The following LDLRAD4 variants were observed in gnomAD, a reference collection of about 807,000 sequenced individuals.
LDLRAD4 encodes the protein low density lipoprotein receptor class A domain containing 4, also known as low-density lipoprotein receptor class A domain-containing protein 4.
In LDLRAD4, 5 loss-of-function variants were observed where a neutral mutation model predicts 17.0. The observed-to-expected ratio is 0.29, with a 90% CI of 0.15 to 0.62. LDLRAD4 has a LOEUF of 0.62. Ranked by LOEUF, LDLRAD4 falls within the 20% of genes least tolerant of loss-of-function variation. The pLI is 0.84. For missense variants in LDLRAD4, 340 were observed against 424.7 expected (o/e 0.80, Z 1.75); for synonymous variants, 168 against 171.8 (o/e 0.98, Z 0.17).
intron 3 of LDLRAD4, among the ~76,000 whole-genome samples, chr18:13,504,042 G>A (rs922993401): frequency 6.6e-6 from 1 of 152,102 alleles, no homozygotes; most frequent in African/African-American, 2.4e-5. Context: ...CATAATTACC[G>A]TCTCCACCCT....
At chr18:13,288,981 A>C (rs1297618098) in intron 1 of LDLRAD4, among the ~76,000 whole-genome samples, 1 of 152,244 alleles carries the variant, frequency 6.6e-6, no homozygotes, top group South Asian at 2.1e-4. Flanking sequence ...GAACTTAGGC[A>C]CTGTGGAAAC....
At chr18:13,490,245 A>G (rs528902758) in intron 3 of LDLRAD4, 1 of 152,340 alleles carries the variant, frequency 6.6e-6, no homozygotes, top group Non-Finnish European at 1.5e-5. Context: ...CCAATCGGAT[A>G]ACAATAACCT....
chr18:13,218,337 G>T (rs2041263922), upstream of LDLRAD4, among the ~76,000 whole-genome samples: 1 of 152,224 alleles, frequency 6.6e-6, no homozygotes, highest in Admixed American at 6.5e-5. Context: ...CTGGCCCGCG[G>T]GCGGGGTTAC....
intron 3 of LDLRAD4, among the ~76,000 whole-genome samples, chr18:13,524,318 C>T (rs1475255765): frequency 6.6e-6 from 1 of 152,158 alleles, no homozygotes; most frequent in Non-Finnish European, 1.5e-5. Context: ...CTTGATGCTT[C>T]CTTTGAAACT....
chr18:13,268,159 A>G (rs1308851538), intron 1 of LDLRAD4, among the ~76,000 whole-genome samples: 1 of 152,062 alleles, frequency 6.6e-6, no homozygotes, highest in African/African-American at 2.4e-5. Context: ...AGGGCAGAAT[A>G]TTTTGTTCCT....
intron 1 of LDLRAD4, among the ~76,000 whole-genome samples, chr18:13,358,104 A>G (rs920326432): frequency 6.6e-6 from 1 of 151,940 alleles, no homozygotes; most frequent in African/African-American, 2.4e-5. Flanking sequence ...TATTTTTTGC[A>G]CCAGACCTGG....
At chr18:13,485,983 T>C (rs2093213039) in intron 3 of LDLRAD4, among the ~76,000 whole-genome samples, 1 of 152,252 alleles carries the variant, frequency 6.6e-6, no homozygotes, top group Non-Finnish European at 1.5e-5. Flanking sequence ...ATTCATTAAC[T>C]GCTTTAAAGC....
chr18:13,230,814 G>A (rs557709706), intron 1 of LDLRAD4, among the ~76,000 whole-genome samples: 1 of 152,160 alleles, frequency 6.6e-6, no homozygotes, highest in African/African-American at 2.4e-5. Context: ...CTCCTTTGCC[G>A]CCCTGACTCT....
intron 1 of LDLRAD4, among the ~76,000 whole-genome samples, chr18:13,376,049 T>C (rs1047949684): frequency 3.3e-5 from 5 of 152,208 alleles, no homozygotes; most frequent in African/African-American, 1.2e-4. Flanking sequence ...GTCCTCGTTC[T>C]TGCCGTTTGA....
chr18:13,504,395 A>G (rs2093658826), intron 3 of LDLRAD4, among the ~76,000 whole-genome samples: 1 of 152,222 alleles, frequency 6.6e-6, no homozygotes, highest in African/African-American at 2.4e-5. Context: ...TAAGCCATCT[A>G]GAATATTGCA....
chr18:13,590,227 G>A (rs2095000137), intron 3 of LDLRAD4, among the ~76,000 whole-genome samples: 1 of 151,596 alleles, frequency 6.6e-6, no homozygotes, highest in Non-Finnish European at 1.5e-5. Context: ...GGGTGTGTGG[G>A]TATAAGTGTG....
In LDLRAD4 at chr18:13,394,439, G is replaced by A. The variant is rs183837168; in HGVS notation, c.40+6677G>A. Among the ~76,000 whole-genome samples the A allele has an allele frequency of 2.6e-5, 4 of 152,200 alleles. No homozygotes were observed. In the East Asian group the frequency reaches 5.8e-4, roughly 22 times the overall value. On this transcript the variant is annotated intron_variant, in intron 2 of 5. Transcript: ENST00000359446. ...ATTTATTTTAAGGTTACTTGAGTGT[G>A]TACAACATAAAGATAGTTATAAATA...
At chr18:13,393,412 G>A (rs1431917135) in intron 2 of LDLRAD4, among the ~76,000 whole-genome samples, 1 of 152,176 alleles carries the variant, frequency 6.6e-6, no homozygotes, top group African/African-American at 2.4e-5. Context: ...AGGCATTTTA[G>A]AGAGAACAGC....
intron 3 of LDLRAD4, among the ~76,000 whole-genome samples, chr18:13,494,563 T>C (rs1411160175): frequency 1.3e-5 from 2 of 149,030 alleles, no homozygotes; most frequent in Admixed American, 6.8e-5. Context: ...CTGTAATTGC[T>C]GCAGTTTGGA....
At chr18:13,334,874 G>C (rs1460833587) in intron 1 of LDLRAD4, among the ~76,000 whole-genome samples, 4 of 152,092 alleles carry the variant, frequency 2.6e-5, no homozygotes, top group African/African-American at 9.7e-5. Flanking sequence ...TCCCCTCAAC[G>C]ATTTCTTTTC....
chr18:13,323,068 T>G (rs1015700915), intron 1 of LDLRAD4, among the ~76,000 whole-genome samples: 2 of 152,228 alleles, frequency 1.3e-5, no homozygotes, highest in African/African-American at 4.8e-5. Context: ...ATTTCTACTT[T>G]TATGAAGCTT....
At chr18:13,560,573 C>T (rs1368108940) in intron 3 of LDLRAD4, among the ~76,000 whole-genome samples, 11 of 152,206 alleles carry the variant, frequency 7.2e-5, no homozygotes, top group Admixed American at 2.0e-4. Flanking sequence ...ACCTTCATAA[C>T]GCCAAAGTGG....
intron 1 of LDLRAD4, among the ~76,000 whole-genome samples, chr18:13,281,399 C>T (rs2045266498): frequency 6.6e-6 from 1 of 152,114 alleles, no homozygotes; most frequent in Non-Finnish European, 1.5e-5. Flanking sequence ...CAATCTCGCC[C>T]TCCACCCCCC....
At chr18:13,451,111 C>T (rs535977945) in intron 3 of LDLRAD4, among the ~76,000 whole-genome samples, 8 of 152,292 alleles carry the variant, frequency 5.3e-5, no homozygotes, top group Non-Finnish European at 8.8e-5. Context: ...CCTGAGATTA[C>T]GTGACCACTT....
Sources: allele counts gnomAD v4.1 joint callset (sites outside exome capture counted in the v4.1 genomes callset), GRCh38; gene constraint gnomAD v4.1.1; transcripts MANE v1.5; gene names NCBI Gene and HGNC (gene_info 2026-07-23, HGNC 2026-07-21).